THRB: variants seen among roughly 807,000 people sequenced by gnomAD.
THRB encodes nuclear receptor subfamily 1 group A member 2.
A neutral mutation model predicts 47.8 loss-of-function variants in THRB; 12 were observed. That is an observed-to-expected ratio of 0.25 (90% CI 0.16 to 0.41). The LOEUF (loss-of-function observed/expected upper bound fraction) is 0.41. Among genes scored for constraint, THRB ranks in the 10% least tolerant of loss-of-function variants. THRB has a pLI of 1.00. For synonymous variants in THRB, 218 were observed against 212.2 expected (o/e 1.03, Z -0.24); for missense variants, 348 against 589.2 (o/e 0.59, Z 4.24).
At chr3:24,284,801 C>T (rs1375477933) in intron 3 of THRB, among the ~76,000 whole-genome samples, 2 of 151,610 alleles carry the variant, frequency 1.3e-5, no homozygotes, top group Non-Finnish European at 2.9e-5. Context: ...CAAAAGAAGA[C>T]ATTTATGCAG....
At position 24,151,674 on chromosome 3, in the gene THRB, A is replaced by C. The variant is rs565824405; in HGVS notation, c.384+716T>G. ...CAAGGCTAGATTGTTGGACCAAAAG[A>C]TATTTTCCAGAAACCTTATCTGAAT... On this transcript the variant is annotated intron_variant, in intron 6 of 10. Coordinates refer to ENST00000646209, the MANE Select transcript of THRB (RefSeq NM_001354712.2). Among the ~76,000 whole-genome samples, 3 of 152,294 alleles carry C rather than the reference A, an allele frequency of 2.0e-5. No homozygotes were observed. The South Asian group carries it at 6.2e-4, about 32-fold the overall frequency.
At chr3:24,299,941 T>G (rs1436070009) in intron 2 of THRB, among the ~76,000 whole-genome samples, 1 of 151,874 alleles carries the variant, frequency 6.6e-6, no homozygotes, top group African/African-American at 2.4e-5. Flanking sequence ...CAGCTTTGAG[T>G]TGCACATCCC....
In THRB at chr3:24,469,107, G is replaced by C. The variant is rs149669136; in HGVS notation, c.-261+25545C>G. On this transcript the variant is annotated intron_variant, in intron 1 of 10. Transcript: ENST00000646209. ...TCAAAACAAATTAAGCATCACCTCC[G>C]CTGGAATGTTTTCCCTGATCTCCTC... Among the ~76,000 whole-genome samples the C allele has an allele frequency of 3.5e-3, 536 of 152,156 alleles. 3 individuals are homozygous for C. The highest frequency in any genetic ancestry group is 0.012 in the African/African-American group (490 of 41,526).
chr3:24,357,130 T>A (rs59263745), intron 1 of THRB, among the ~76,000 whole-genome samples: 3 of 151,010 alleles, frequency 2.0e-5, no homozygotes, highest in Non-Finnish European at 4.4e-5. Flanking sequence ...TGAGGTGGTA[T>A]CCTTGACTCA....
At chr3:24,174,737 G>T (rs2040907380) in intron 5 of THRB, among the ~76,000 whole-genome samples, 1 of 152,054 alleles carries the variant, frequency 6.6e-6, no homozygotes, top group Admixed American at 6.5e-5. Context: ...TGCGTACAGT[G>T]GCCCATGCAC....
At position 24,300,659 on chromosome 3, in the gene THRB, T is replaced by TC. The variant is rs1371159258; in HGVS notation, c.-188-3289dup. Among the ~76,000 whole-genome samples, 13 of 152,282 alleles carry TC rather than the reference T, an allele frequency of 8.5e-5. No homozygotes were observed. The East Asian group carries it at 1.9e-3, about 23-fold the overall frequency. ...CAAAGACCACAGGAATGTATTAGACTCCCCCCATCTCTTCATCTAACTGCA... is the reference window on the plus strand; with the variant it reads ...CAAAGACCACAGGAATGTATTAGACTCCCCCCCATCTCTTCATCTAACTGCA... On this transcript the variant is annotated intron_variant, in intron 2 of 10. Transcript: ENST00000646209.
At chr3:24,409,978 C>T (rs565026444) in intron 1 of THRB, among the ~76,000 whole-genome samples, 1 of 151,852 alleles carries the variant, frequency 6.6e-6, no homozygotes, top group Admixed American at 6.6e-5. Flanking sequence ...GAGGTAAATG[C>T]CAATTTCTAA....
intron 2 of THRB, among the ~76,000 whole-genome samples, chr3:24,334,046 G>A (rs1307371589): frequency 2.6e-5 from 4 of 152,156 alleles, no homozygotes; most frequent in Non-Finnish European, 4.4e-5. Context: ...GTCCTTAGCT[G>A]TATTTCTGCC....
intron 8 of THRB, among the ~76,000 whole-genome samples, chr3:24,142,520 A>G (rs758327675): frequency 6.6e-6 from 1 of 152,262 alleles, no homozygotes; most frequent in African/African-American, 2.4e-5. Flanking sequence ...AAGGATAATT[A>G]TACCACTATA....
At chr3:24,431,265 C>T (rs56045411) in intron 1 of THRB, among the ~76,000 whole-genome samples, 7 of 107,264 alleles carry the variant, frequency 6.5e-5, no homozygotes, top group Non-Finnish European at 1.2e-4. Flanking sequence ...TCTCTCTACA[C>T]ACACACACAC....
chr3:24,136,796 A>G (rs1055921907), intron 8 of THRB, among the ~76,000 whole-genome samples: 1 of 152,146 alleles, frequency 6.6e-6, no homozygotes, highest in Non-Finnish European at 1.5e-5. Flanking sequence ...TCATTCTGAT[A>G]TCCTCTCTTT....
In THRB at chr3:24,206,164, A is replaced by G. The variant is rs200368647; in HGVS notation, c.23-15830T>C. On this transcript the variant is annotated intron_variant, in intron 4 of 10. Coordinates refer to ENST00000646209, the MANE Select transcript of THRB (RefSeq NM_001354712.2). ...CACCAAGCGGACCTAATAGACATCT[A>G]CAGAACTGTCCACCCCAAATCAACA... Among the ~76,000 whole-genome samples the G allele has an allele frequency of 2.6e-4, 40 of 152,370 alleles. No homozygotes were observed. The East Asian group carries it at 7.5e-3, about 29-fold the overall frequency.
chr3:24,306,700 G>T (rs945447347), intron 2 of THRB, among the ~76,000 whole-genome samples: 1 of 151,978 alleles, frequency 6.6e-6, no homozygotes, highest in African/African-American at 2.4e-5. Flanking sequence ...TACACCCTCT[G>T]CCTCCAGCCC....
chr3:24,481,239 T>TTG (rs1441916137), intron 1 of THRB, among the ~76,000 whole-genome samples: 1 of 145,748 alleles, frequency 6.9e-6, no homozygotes, highest in Admixed American at 6.7e-5. Flanking sequence ...GTTTTTTTTT[T>TTG]TTTTTTTTTT....
intron 3 of THRB, among the ~76,000 whole-genome samples, chr3:24,246,425 T>C (rs1407498306): frequency 6.6e-6 from 1 of 152,230 alleles, no homozygotes; most frequent in Non-Finnish European, 1.5e-5. Context: ...TTGCAGTTTT[T>C]GAAAAGGGCA....
intron 1 of THRB, among the ~76,000 whole-genome samples, chr3:24,477,311 G>T (rs9857974): frequency 0.016 from 2,441 of 152,172 alleles, 59 homozygotes; most frequent in African/African-American, 0.055. Flanking sequence ...ATACACAGCA[G>T]GGTTACTACA....
At chr3:24,279,561 A>AT (rs35249696) in intron 3 of THRB, among the ~76,000 whole-genome samples, 100,829 of 141,038 alleles carry the variant, frequency 0.71, 37,783 homozygotes, top group East Asian at 0.95. Flanking sequence ...ATTTTTTTGT[A>AT]TTTTTTTTTT....
chr3:24,255,057 C>G lies in THRB; in HGVS notation c.-42-26056G>C, dbSNP rs754801894. 2.2e-4 allele frequency among the ~76,000 whole-genome samples: 34 copies of G among 152,172 alleles called. 1 individual carries two copies. The highest frequency in any genetic ancestry group is 1.5e-5 in the Non-Finnish European group (1 of 68,034). On this transcript the variant is annotated intron_variant, in intron 3 of 10. Coordinates refer to ENST00000646209, the MANE Select transcript of THRB (RefSeq NM_001354712.2). Reference sequence around the variant, plus strand: ...CCTTGGGAAGAATGGAAAAATGGCACTGAGACATCCACCAAGATATAGGCT... The same window carrying G: ...CCTTGGGAAGAATGGAAAAATGGCAGTGAGACATCCACCAAGATATAGGCT...
intron 4 of THRB, among the ~76,000 whole-genome samples, chr3:24,196,496 G>C (rs1284152069): frequency 6.6e-6 from 1 of 152,130 alleles, no homozygotes; most frequent in Non-Finnish European, 1.5e-5. Flanking sequence ...TGCACTAATT[G>C]TAAGTTCTTC....
Sources: gnomAD v4.1 joint callset for allele counts (sites outside exome capture counted in the v4.1 genomes callset) on GRCh38, gnomAD v4.1.1 for gene constraint, MANE v1.5 for transcripts, NCBI Gene and HGNC (gene_info 2026-07-23, HGNC 2026-07-21) for gene names.